TANK: variants seen among roughly 807,000 people sequenced by gnomAD.
TANK encodes the protein TRAF family member-associated NF-kappa-B activator.
In TANK, 15 loss-of-function variants were observed where a neutral mutation model predicts 43.6. That is an observed-to-expected ratio of 0.34 (90% CI 0.23 to 0.53). The LOEUF is 0.53. TANK is among the 20% of genes least tolerant of loss of function. The pLI is 0.94. For missense variants in TANK, 417 were observed against 498.6 expected (o/e 0.84, Z 1.56); for synonymous variants, 162 against 178.2 (o/e 0.91, Z 0.73).
At chr2:161,180,666 C>A (rs936203661) in intron 2 of TANK, among the ~76,000 whole-genome samples, 1 of 152,080 alleles carries the variant, frequency 6.6e-6, no homozygotes, top group East Asian at 1.9e-4. Context: ...TTCACCTACA[C>A]GTTCTGTGAT....
At chr2:161,205,055 T>G (rs1020993254) in intron 4 of TANK, 79 of 889,046 alleles carry the variant, frequency 8.9e-5, no homozygotes, top group Non-Finnish European at 1.9e-5. Context: ...CTGGACACAC[T>G]GACTCACTCC....
At position 161,203,546 on chromosome 2, in the gene TANK, T is replaced by G; in HGVS notation, c.159T>G (p.Thr53=). ...AGGAACAGCTGTCACTTCAACAGAC[T>G]ATTATTGACAAGCTAAAATCTCAGT... ...EQQEQLSLQQ[T]IIDKLKSQLL... The change falls in exon 3 of 8, where the codon ACT becomes ACG. Residue 53 remains threonine (T), a synonymous_variant. Transcript: ENST00000392749. 2 of 1,612,544 alleles carry G rather than the reference T, an allele frequency of 1.2e-6. No homozygotes were observed. The highest frequency in any genetic ancestry group is 1.7e-6 in the Non-Finnish European group (2 of 1,179,440).
chr2:161,197,118 A>G (rs1307500922), intron 2 of TANK, among the ~76,000 whole-genome samples: 1 of 152,216 alleles, frequency 6.6e-6, no homozygotes, highest in Non-Finnish European at 1.5e-5. Context: ...AAAGTAAGGG[A>G]TGATACTGCC....
chr2:161,225,811 G>C (rs1687586301), intron 6 of TANK, among the ~76,000 whole-genome samples: 1 of 152,054 alleles, frequency 6.6e-6, no homozygotes, highest in South Asian at 2.1e-4. Context: ...TCATTTTATA[G>C]TGTAAATTCA....
intron 4 of TANK, among the ~76,000 whole-genome samples, chr2:161,215,156 A>AAG (rs1415510772): frequency 6.6e-6 from 1 of 152,194 alleles, no homozygotes; most frequent in Non-Finnish European, 1.5e-5. Context: ...GATCCCTTGA[A>AAG]AGGCTCTTGG....
intron 6 of TANK, among the ~76,000 whole-genome samples, chr2:161,229,748 T>A (rs772836984): frequency 6.6e-6 from 1 of 152,230 alleles, no homozygotes; most frequent in African/African-American, 2.4e-5. Flanking sequence ...GTATACCTTG[T>A]GTTCTGTATA....
intron 1 of TANK, among the ~76,000 whole-genome samples, chr2:161,144,346 C>G (rs1683841778): frequency 6.6e-6 from 1 of 152,054 alleles, no homozygotes; most frequent in Non-Finnish European, 1.5e-5. Context: ...TTGTCTTCTG[C>G]TAGGTTTTGG....
chr2:161,173,507 T>G (rs1433112680), intron 1 of TANK, among the ~76,000 whole-genome samples: 1 of 152,170 alleles, frequency 6.6e-6, no homozygotes, highest in Non-Finnish European at 1.5e-5. Context: ...TACCTTTTAC[T>G]TAACAGTTTT....
chr2:161,189,748 A>G (rs914827915), intron 2 of TANK, among the ~76,000 whole-genome samples: 1 of 152,236 alleles, frequency 6.6e-6, no homozygotes, highest in African/African-American at 2.4e-5. Flanking sequence ...TACATTAACA[A>G]CAAACCATTT....
intron 3 of TANK, 142 bp from the exon 4 acceptor site, chr2:161,204,533 C>T (rs1686560576): frequency 7.1e-6 from 5 of 700,996 alleles, no homozygotes; most frequent in African/African-American, 3.8e-5. Context: ...GTCAAAGTAA[C>T]TATTACCTAA....
chr2:161,209,131 A>G (rs1256356686), intron 4 of TANK, among the ~76,000 whole-genome samples: 1 of 152,256 alleles, frequency 6.6e-6, no homozygotes, highest in African/African-American at 2.4e-5. Flanking sequence ...GGGAAAAAAT[A>G]TCATAGCCTG....
upstream of TANK, among the ~76,000 whole-genome samples, chr2:161,155,594 A>G (rs1374463363): frequency 6.6e-6 from 1 of 152,232 alleles, no homozygotes; most frequent in African/African-American, 2.4e-5. Context: ...AATCTTTCCC[A>G]GGCAACTGTA....
intron 4 of TANK, among the ~76,000 whole-genome samples, chr2:161,210,540 T>C (rs1399824157): frequency 6.6e-6 from 1 of 151,814 alleles, no homozygotes; most frequent in Non-Finnish European, 1.5e-5. Context: ...CTACTAAAAA[T>C]ACAAAAATTA....
intron 1 of TANK, among the ~76,000 whole-genome samples, chr2:161,170,386 CTTTA>C (rs1266346165): frequency 6.6e-6 from 1 of 152,040 alleles, no homozygotes. Context: ...ATCAAAATAC[CTTTA>C]TTTATTTATT....
rs78113367 is a variant in TANK, at chr2:161,193,621, G to T, written c.100-9866G>T. On this transcript the variant is annotated intron_variant, in intron 2 of 7. Coordinates refer to ENST00000392749, the MANE Select transcript of TANK (RefSeq NM_001199135.3). The stretch of plus-strand genomic sequence containing the variant: ...TAGCAGTCCACAGGTGACTAGAACA[G>T]GGCTAGTAAGGCAGCTCTACCATTC... Among the ~76,000 whole-genome samples the T allele has an allele frequency of 4.1e-3, 624 of 152,316 alleles. 30 individuals carry two copies. The East Asian group carries it at 0.1, about 25-fold the overall frequency.
chr2:161,188,023 T>C (rs777638712), intron 2 of TANK, among the ~76,000 whole-genome samples: 4 of 152,018 alleles, frequency 2.6e-5, no homozygotes, highest in Non-Finnish European at 4.4e-5. Flanking sequence ...AAAATGTAAA[T>C]ACAAAGTACC....
Position 161,166,890 on chromosome 2 carries a change from A to G in TANK, c.-50+6404A>G, listed in dbSNP as rs577625715. On this transcript the variant is annotated intron_variant, in intron 1 of 7. Transcript: ENST00000392749. ...ACTACAGTGGCAACTTTTCTGAAAT[A>G]GAATATGAACTCCTCTTATTCATAG... Among the ~76,000 whole-genome samples the G allele has an allele frequency of 1.1e-4, 17 of 152,336 alleles. 2 individuals are homozygous for G. In the South Asian group the frequency reaches 3.5e-3, roughly 32 times the overall value.
chr2:161,227,749 C>A (rs1338529926), intron 6 of TANK, among the ~76,000 whole-genome samples: 1 of 152,200 alleles, frequency 6.6e-6, no homozygotes, highest in Non-Finnish European at 1.5e-5. Flanking sequence ...AATCTGATTA[C>A]CTCAACAGTT....
chr2:161,160,857 T>G (rs1684394792), intron 1 of TANK: 3 of 509,748 alleles, frequency 5.9e-6, no homozygotes, highest in Non-Finnish European at 1.2e-5. Flanking sequence ...ATTCCCGACT[T>G]CCCTTCGGGA....
Sources: gnomAD v4.1 joint callset for allele counts (sites outside exome capture counted in the v4.1 genomes callset) on GRCh38, gnomAD v4.1.1 for gene constraint, MANE v1.5 for transcripts, NCBI Gene and HGNC (gene_info 2026-07-23, HGNC 2026-07-21) for gene names.